Variants in NTN4 observed in about 807,000 individuals in gnomAD.
The protein encoded by NTN4 is netrin 4.
NTN4 carries 32 observed loss-of-function variants against 73.6 expected under a neutral mutation model. The ratio of observed to expected loss-of-function variants is 0.44; its 90% CI spans 0.33 to 0.58. NTN4 has a LOEUF of 0.58. NTN4 is among the 20% of genes least tolerant of loss of function. NTN4 has a pLI of 0.04. For missense variants in NTN4, 654 were observed against 798.3 expected, an observed-to-expected ratio of 0.82 and a Z score of 2.18; for synonymous variants, 258 against 287.5, an observed-to-expected ratio of 0.90 and a Z score of 1.04.
chr12:95,753,251 G>A (rs1480004596), intron 2 of NTN4, among the ~76,000 whole-genome samples: 23 of 151,394 alleles, frequency 1.5e-4, no homozygotes, highest in South Asian at 6.4e-4. Context: ...TTTCCATTGT[G>A]GAAATCTATC....
intron 9 of NTN4, among the ~76,000 whole-genome samples, chr12:95,664,255 A>G (rs1175822018): frequency 6.6e-6 from 1 of 152,000 alleles, no homozygotes; most frequent in African/African-American, 2.4e-5. Context: ...ACTGGGTCTC[A>G]CTATGTTGTC....
chr12:95,700,775 C>A (rs1447451610), intron 5 of NTN4, among the ~76,000 whole-genome samples: 3 of 150,646 alleles, frequency 2.0e-5, no homozygotes, highest in Non-Finnish European at 4.4e-5. Flanking sequence ...TTCTTTCTTT[C>A]TTTTTCTTTT....
At chr12:95,729,246 A>AT (rs974377533) in intron 3 of NTN4, among the ~76,000 whole-genome samples, 2 of 151,258 alleles carry the variant, frequency 1.3e-5, no homozygotes, top group Non-Finnish European at 1.5e-5. Flanking sequence ...AAATATAATA[A>AT]TTTTTTCCAT....
At chr12:95,728,161 G>A (rs943821140) in intron 3 of NTN4, among the ~76,000 whole-genome samples, 1 of 151,978 alleles carries the variant, frequency 6.6e-6, no homozygotes, top group Non-Finnish European at 1.5e-5. Context: ...CTTACAACTT[G>A]TTTATCAGCT....
chr12:95,771,268 C>T (rs1475624454), intron 2 of NTN4, among the ~76,000 whole-genome samples: 1 of 152,164 alleles, frequency 6.6e-6, no homozygotes, highest in Non-Finnish European at 1.5e-5. Flanking sequence ...GGATTACAGG[C>T]GTGAGCCACC....
intron 9 of NTN4, 92 bp from the exon 10 acceptor site, chr12:95,659,314 G>T: frequency 2.0e-6 from 2 of 988,634 alleles, no homozygotes; most frequent in South Asian, 1.7e-5. Flanking sequence ...CATTTATTTT[G>T]AGACAAGGTC....
chr12:95,785,608 C>G (rs2079161459), intron 2 of NTN4, among the ~76,000 whole-genome samples: 1 of 152,200 alleles, frequency 6.6e-6, no homozygotes, highest in African/African-American at 2.4e-5. Flanking sequence ...CTCCATGTAT[C>G]TATGGAAGTG....
At chr12:95,715,375 A>G (rs1367913606) in intron 3 of NTN4, among the ~76,000 whole-genome samples, 1 of 152,160 alleles carries the variant, frequency 6.6e-6, no homozygotes, top group Non-Finnish European at 1.5e-5. Flanking sequence ...GGCTCCTTGA[A>G]AAAAAGATGA....
intron 5 of NTN4, among the ~76,000 whole-genome samples, chr12:95,703,070 T>C (rs547355172): frequency 6.6e-6 from 1 of 152,264 alleles, no homozygotes; most frequent in African/African-American, 2.4e-5. Context: ...TTGGCCAGGC[T>C]GGTCTCGAAC....
At chr12:95,731,728 G>T (rs887663527) in intron 3 of NTN4, among the ~76,000 whole-genome samples, 2 of 151,822 alleles carry the variant, frequency 1.3e-5, no homozygotes, top group African/African-American at 4.8e-5. Context: ...TCTTTTCTCT[G>T]TTCTTGGCAC....
At chr12:95,660,804 C>CAAGT (rs759547550) in intron 9 of NTN4, among the ~76,000 whole-genome samples, 8 of 152,126 alleles carry the variant, frequency 5.3e-5, no homozygotes, top group African/African-American at 9.7e-5. Flanking sequence ...TTTAATTTCA[C>CAAGT]AAGTTGATTC....
chr12:95,698,015 A>G (rs1048239507), intron 5 of NTN4, among the ~76,000 whole-genome samples: 3 of 152,240 alleles, frequency 2.0e-5, no homozygotes, highest in African/African-American at 4.8e-5. Context: ...TTTACATTGT[A>G]TTAGGTATTA....
At chr12:95,720,502 C>T (rs1201535136) in intron 3 of NTN4, among the ~76,000 whole-genome samples, 7 of 152,132 alleles carry the variant, frequency 4.6e-5, no homozygotes, top group Non-Finnish European at 4.4e-5. Context: ...TCCCTGGTAA[C>T]TGACATACAA....
intron 2 of NTN4, among the ~76,000 whole-genome samples, chr12:95,742,394 T>C (rs1464821668): frequency 2.6e-5 from 4 of 151,806 alleles, no homozygotes; most frequent in Non-Finnish European, 5.9e-5. Flanking sequence ...GCTATATGTC[T>C]TATTTATGCT....
chr12:95,776,531 C>T (rs531980537), intron 2 of NTN4, among the ~76,000 whole-genome samples: 17 of 152,152 alleles, frequency 1.1e-4, no homozygotes, highest in African/African-American at 1.2e-4. Flanking sequence ...CTTCAGTAGC[C>T]GATTCGATCA....
At chr12:95,769,153 C>T (rs1159749918) in intron 2 of NTN4, among the ~76,000 whole-genome samples, 1 of 152,100 alleles carries the variant, frequency 6.6e-6, no homozygotes, top group Admixed American at 6.6e-5. Context: ...AACATAAAGG[C>T]ATCTCTCAGT....
chr12:95,785,444 C>A (rs2079160259), intron 2 of NTN4, among the ~76,000 whole-genome samples: 1 of 152,206 alleles, frequency 6.6e-6, no homozygotes, highest in Non-Finnish European at 1.5e-5. Context: ...AATGGGCTTA[C>A]AATATTCAGC....
In NTN4 at chr12:95,713,202, T is replaced by G. The variant is rs746990192; in HGVS notation, c.991+10A>C. 1 of 1,609,152 alleles carries G rather than the reference T, an allele frequency of 6.2e-7. No individual in the cohort carries two copies. Among genetic ancestry groups the G allele is most frequent in the Admixed American group, 1.7e-5 (1 of 59,872 alleles). ...AGAAAGCTTTTGAGTATCGTGGGCT[T>G]GTTACTTACTTCTGCACTCGTTGGG... On this transcript the variant is annotated intron_variant, in intron 4 of 9. Transcript: ENST00000343702.
chr12:95,679,373 G>A (rs2078298158), intron 7 of NTN4, among the ~76,000 whole-genome samples: 1 of 152,042 alleles, frequency 6.6e-6, no homozygotes, highest in African/African-American at 2.4e-5. Flanking sequence ...ATATGATAAG[G>A]TAGCATTACA....
Sources: gnomAD v4.1 joint callset for allele counts (sites outside exome capture counted in the v4.1 genomes callset) on GRCh38, gnomAD v4.1.1 for gene constraint, MANE v1.5 for transcripts, NCBI Gene and HGNC (gene_info 2026-07-23, HGNC 2026-07-21) for gene names.